Variants in PXK observed in about 807,000 individuals in gnomAD.
PXK encodes the protein PX domain containing serine/threonine kinase like.
Under a neutral mutation model 84.7 loss-of-function variants are expected in PXK, and 35 were observed. The observed-to-expected ratio is 0.41, with a 90% confidence interval of 0.32 to 0.55. The LOEUF (loss-of-function observed/expected upper bound fraction) is 0.55. Ranked by LOEUF, PXK falls within the 20% of genes least tolerant of loss-of-function variation. The probability of loss-of-function intolerance (pLI) is 0.21; values close to 1 mark genes in which losing one functional copy is unlikely to be tolerated. For synonymous variants in PXK, 253 were observed against 260.8 expected (o/e 0.97, Z 0.29); for missense variants, 634 against 699.7 (o/e 0.91, Z 1.06).
At chr3:58,388,175 T>C (rs1248198179) in intron 4 of PXK, among the ~76,000 whole-genome samples, 3 of 152,202 alleles carry the variant, frequency 2.0e-5, no homozygotes, top group African/African-American at 7.2e-5. Flanking sequence ...CACAGTTCAG[T>C]GGGAAGAAAT....
At chr3:58,369,392 T>A in intron 2 of PXK, 39 bp from the exon 3 acceptor site, 4 of 1,505,354 alleles carry the variant, frequency 2.7e-6, no homozygotes, top group Non-Finnish European at 3.7e-6. Flanking sequence ...AAAGAGATAG[T>A]CTTTGCTGAA....
In PXK at chr3:58,373,228, G is replaced by T. The variant is rs149052779; in HGVS notation, c.201+3750G>T. On this transcript the variant is annotated intron_variant, in intron 3 of 17. Coordinates refer to ENST00000356151, the MANE Select transcript of PXK (RefSeq NM_017771.5). ...GAGTAGCTAAGACTACAAGGCGCCC[G>T]CCACCATGCCCGGCTAATTTTTTGT... is the stretch of plus-strand genomic sequence containing the variant. Among the ~76,000 whole-genome samples the T allele has an allele frequency of 8.9e-3, 1,358 of 152,060 alleles. 23 individuals carry two copies. The highest frequency in any genetic ancestry group is 0.031 in the African/African-American group (1,271 of 41,458).
intron 17 of PXK, among the ~76,000 whole-genome samples, chr3:58,420,070 T>C (rs1372392713): frequency 6.6e-6 from 1 of 152,226 alleles, no homozygotes; most frequent in East Asian, 1.9e-4. Context: ...TTGTAGACTC[T>C]AGAAGACTTG....
intron 1 of PXK, among the ~76,000 whole-genome samples, chr3:58,360,043 G>T (rs2098155179): frequency 6.6e-6 from 1 of 152,112 alleles, no homozygotes; most frequent in African/African-American, 2.4e-5. Flanking sequence ...AGCCACTCAG[G>T]AGGCTGAGGT....
In PXK at chr3:58,425,048, T is replaced by C. The variant is rs2062645741; in HGVS notation, c.*88T>C. 2.0e-6 allele frequency: 3 copies of C among 1,531,642 alleles called. No individual in the cohort carries two copies. The highest frequency in any genetic ancestry group is 1.4e-5 in the African/African-American group (1 of 73,138). The allele number at this position is 1,531,642 out of a possible 1,614,324, so 94.9% of individuals were successfully genotyped here. A position where few individuals can be genotyped will look rare whatever the true frequency, so the allele number is the denominator to read the frequency against. ...AACTACCCTCTTCCTGGGAAAGTAA[T>C]TGCTGAGCCAGTACAGCCACAAACA... On this transcript the variant is annotated 3_prime_UTR_variant, in exon 18 of 18. Transcript: ENST00000356151.
intron 9 of PXK, among the ~76,000 whole-genome samples, chr3:58,396,331 GTATAT>G (rs887147977): frequency 2.5e-4 from 38 of 150,908 alleles, no homozygotes; most frequent in Middle Eastern, 3.4e-3. Flanking sequence ...AATATATTTT[GTATAT>G]TATAAGTTAA....
chr3:58,373,027 T>C (rs916518761), intron 3 of PXK, among the ~76,000 whole-genome samples: 1 of 151,470 alleles, frequency 6.6e-6, no homozygotes, highest in Non-Finnish European at 1.5e-5. Context: ...TCCTTAGACT[T>C]GAGAAGGAAC....
At chr3:58,391,312 C>T (rs6809011) in intron 6 of PXK, 92 bp downstream of exon 6, 91,728 of 1,115,482 alleles carry the variant, frequency 0.082, 4,423 homozygotes, top group African/African-American at 0.17. Flanking sequence ...TTGTACTGTG[C>T]TCTTAAGTGA....
chr3:58,349,633 G>A (rs1340000562), intron 1 of PXK, among the ~76,000 whole-genome samples: 1 of 152,148 alleles, frequency 6.6e-6, no homozygotes, highest in African/African-American at 2.4e-5. Flanking sequence ...TGGGATTACA[G>A]GCATGAGCCA....
At position 58,387,463 on chromosome 3, in the gene PXK, C is replaced by T. The variant is rs138957634; in HGVS notation, c.389-3119C>T. 7.0e-4 allele frequency among the ~76,000 whole-genome samples: 106 copies of T among 152,272 alleles called. 1 individual carries two copies. The highest frequency in any genetic ancestry group is 2.3e-3 in the African/African-American group (94 of 41,542). On this transcript the variant is annotated intron_variant, in intron 4 of 17. Coordinates refer to ENST00000356151, the MANE Select transcript of PXK (RefSeq NM_017771.5). ...CAGTTCCTACTCCATGACAGTTACA[C>T]AGGGAGATTGACAGGTGATGGCTGT...
intron 1 of PXK, among the ~76,000 whole-genome samples, chr3:58,338,971 C>T (rs1265976042): frequency 6.6e-6 from 1 of 151,920 alleles, no homozygotes; most frequent in Non-Finnish European, 1.5e-5. Context: ...GCGTGAGCCA[C>T]TGCACTCAGC....
chr3:58,353,736 C>T (rs2097996950), intron 1 of PXK, among the ~76,000 whole-genome samples: 1 of 152,124 alleles, frequency 6.6e-6, no homozygotes, highest in Non-Finnish European at 1.5e-5. Flanking sequence ...CTGTGTGACA[C>T]TGTGATTTTG....
At chr3:58,351,249 C>T (rs927319323) in intron 1 of PXK, among the ~76,000 whole-genome samples, 1 of 152,118 alleles carries the variant, frequency 6.6e-6, no homozygotes, top group Non-Finnish European at 1.5e-5. Flanking sequence ...CTCTATCGCC[C>T]AGGCTGGAGT....
chr3:58,369,511 G>T, intron 3 of PXK, 33 bp downstream of exon 3: 1 of 1,565,084 alleles, frequency 6.4e-7, no homozygotes, highest in South Asian at 1.1e-5. Context: ...TACACACATT[G>T]ATTACTTGGG....
At chr3:58,388,609 G>A (rs372793129) in intron 4 of PXK, among the ~76,000 whole-genome samples, 2 of 152,202 alleles carry the variant, frequency 1.3e-5, no homozygotes, top group East Asian at 3.8e-4. Flanking sequence ...CAGATGGTTT[G>A]TCACACTCTG....
At chr3:58,389,082 G>A (rs1342096054) in intron 4 of PXK, among the ~76,000 whole-genome samples, 1 of 152,192 alleles carries the variant, frequency 6.6e-6, no homozygotes, top group Admixed American at 6.5e-5. Context: ...ATTTCTTAAT[G>A]CAAAGAACTT....
rs116136054 is a variant in PXK, at chr3:58,337,539, C to T, written c.102+4449C>T. On this transcript the variant is annotated intron_variant, in intron 1 of 17. Transcript: ENST00000356151. ...TCACCCAGGCTAGAGTACAGGACCA[C>T]AGCTCACGGCAACCTCAGTCTCCTG... is the stretch of plus-strand genomic sequence containing the variant. 2.7e-3 allele frequency among the ~76,000 whole-genome samples: 409 copies of T among 152,156 alleles called. 1 individual carries two copies. Among genetic ancestry groups the T allele is most frequent in the African/African-American group, 9.5e-3 (395 of 41,510 alleles).
intron 4 of PXK, among the ~76,000 whole-genome samples, chr3:58,386,583 C>T (rs2098554114): frequency 6.6e-6 from 1 of 152,184 alleles, no homozygotes; most frequent in African/African-American, 2.4e-5. Context: ...GCATGAGCCA[C>T]TGCACCTGGC....
At chr3:58,340,973 CTTTT>C (rs57344727) in intron 1 of PXK, among the ~76,000 whole-genome samples, 2 of 145,180 alleles carry the variant, frequency 1.4e-5, no homozygotes, top group Admixed American at 6.9e-5. Context: ...AGAGTTTTTC[CTTTT>C]TTTTTTTTTT....
Sources: gnomAD v4.1 joint callset for allele counts (sites outside exome capture counted in the v4.1 genomes callset) on GRCh38, gnomAD v4.1.1 for gene constraint, MANE v1.5 for transcripts, NCBI Gene and HGNC (gene_info 2026-07-23, HGNC 2026-07-21) for gene names.